Variants in ATOH8 observed in about 807,000 individuals in gnomAD.
The protein encoded by ATOH8 is transcription factor ATOH8.
ATOH8 carries 9 observed loss-of-function variants against 21.2 expected under a neutral mutation model. The ratio of observed to expected loss-of-function variants is 0.42; its 90% CI spans 0.26 to 0.74. The LOEUF (loss-of-function observed/expected upper bound fraction) is 0.74. ATOH8 is among the 30% of genes least tolerant of loss of function. The pLI, the probability that ATOH8 is intolerant of heterozygous loss-of-function variation, is 0.24. For synonymous variants in ATOH8, 253 were observed against 224.0 expected (o/e 1.13, Z -1.16); for missense variants, 524 against 470.9 (o/e 1.11, Z -1.04).
chr2:85,769,739 C>T (rs184613779), intron 2 of ATOH8, among the ~76,000 whole-genome samples: 54 of 152,240 alleles, frequency 3.5e-4, no homozygotes, highest in South Asian at 1.0e-3. Context: ...GCCCAGGCCT[C>T]GGACAGGATC....
chr2:85,754,280 A>G lies in ATOH8; in HGVS notation c.91A>G (p.Lys31Glu). Residue 31 changes from lysine to glutamate, a missense_variant, in exon 1 of 3, where the codon AAG becomes GAG. Physicochemically the swap from Lys to Glu is moderately conservative, Grantham distance 56 (BLOSUM62 1). Coordinates refer to ENST00000306279, the MANE Select transcript of ATOH8 (RefSeq NM_032827.7). ...NGLKKLKRKG[K>E]EPARRANGYK... ...CCTTAAGAAGCTCAAGCGGAAAGGC[A>G]AGGAGCCGGCGCGGCGCGCGAACGG... 6.2e-7 allele frequency: 1 copy of G among 1,610,190 alleles called. No individual in the cohort carries two copies. Among genetic ancestry groups the G allele is most frequent in the Non-Finnish European group, 8.5e-7 (1 of 1,178,918 alleles).
chr2:85,775,199 G>C, intron 2 of ATOH8: 2 of 983,050 alleles, frequency 2.0e-6, no homozygotes, highest in Non-Finnish European at 2.4e-6. Flanking sequence ...TTAAATGCCT[G>C]TGTCTCTGGC....
chr2:85,781,765 G>T (rs1051796107), intron 2 of ATOH8, among the ~76,000 whole-genome samples: 2 of 151,724 alleles, frequency 1.3e-5, no homozygotes, highest in Non-Finnish European at 2.9e-5. Context: ...GTGGTCCCAG[G>T]TATACAGGAG....
rs188495753 is a variant in ATOH8 at position 85,779,208 on chromosome 2, C to T, written c.961-7677C>T. 1.3e-3 allele frequency among the ~76,000 whole-genome samples: 200 copies of T among 152,368 alleles called. 1 individual carries two copies. Among genetic ancestry groups the T allele is most frequent in the African/African-American group, 4.5e-3 (187 of 41,588 alleles). On this transcript the variant is annotated intron_variant, in intron 2 of 2. Transcript: ENST00000306279. ...CAAGTGCGATGACCGGACAGCATCG[C>T]AGGATGGAAGCAGATGGGAAGCCGC...
intron 2 of ATOH8, among the ~76,000 whole-genome samples, chr2:85,764,856 G>T (rs1679966512): frequency 6.6e-6 from 1 of 152,188 alleles, no homozygotes; most frequent in Admixed American, 6.5e-5. Flanking sequence ...TTCACTCCCT[G>T]CCCACGGGAG....
intron 1 of ATOH8, among the ~76,000 whole-genome samples, chr2:85,755,920 C>G (rs1205025462): frequency 6.6e-6 from 1 of 151,712 alleles, no homozygotes; most frequent in Admixed American, 6.6e-5. Flanking sequence ...TTTTTATTTG[C>G]ATACTCTGCA....
rs528192137 is a variant in ATOH8, at chr2:85,771,542, C to G, written c.960+7360C>G. ...CAGCCAAAAGGCAGATGGGGAAGGA[C>G]CAACCTTTCTGAGTGAGAGATTCTT... On this transcript the variant is annotated intron_variant, in intron 2 of 2. Transcript: ENST00000306279. Among the ~76,000 whole-genome samples, 6 of 152,262 alleles carry G rather than the reference C, an allele frequency of 3.9e-5. No individual in the cohort carries two copies. In the South Asian group the frequency reaches 1.2e-3, roughly 32 times the overall value.
chr2:85,780,287 A>G (rs1214022095), intron 2 of ATOH8: 1 of 152,290 alleles, frequency 6.6e-6, no homozygotes, highest in Non-Finnish European at 1.5e-5. Flanking sequence ...CACCACCTCT[A>G]GCATCTTAGC....
intron 2 of ATOH8, chr2:85,775,220 G>A (rs1680290465): frequency 2.0e-6 from 2 of 985,226 alleles, no homozygotes; most frequent in Non-Finnish European, 2.4e-6. Context: ...TAGACTGTGA[G>A]CCCCTTTCTC....
chr2:85,769,561 G>A lies in ATOH8; in HGVS notation c.960+5379G>A, dbSNP rs543226230. ...CCTTGCTGCTTTCTGGGGACAGGAG[G>A]CAGGTCCTAGTATGGCCTGGGTCCG... is the stretch of plus-strand genomic sequence containing the variant. On this transcript the variant is annotated intron_variant, in intron 2 of 2. Transcript: ENST00000306279. 2.8e-4 allele frequency among the ~76,000 whole-genome samples: 42 copies of A among 152,342 alleles called. 2 individuals are homozygous for A. The South Asian group carries it at 8.7e-3, about 32-fold the overall frequency.
intron 1 of ATOH8, among the ~76,000 whole-genome samples, chr2:85,760,235 T>C (rs759784805): frequency 4.6e-5 from 7 of 152,184 alleles, no homozygotes; most frequent in Non-Finnish European, 1.0e-4. Flanking sequence ...AGGCAGATCC[T>C]TTTACTTTTC....
rs774510429 is a variant in ATOH8 at position 85,754,864 on chromosome 2, A to G, written c.675A>G (p.Lys225=). 1 of 1,612,162 alleles carries G rather than the reference A, an allele frequency of 6.2e-7. No homozygotes were observed. The highest frequency in any genetic ancestry group is 8.5e-7 in the Non-Finnish European group (1 of 1,179,862). ...GEATAASSEI[K]ALQQTRRLLA... ...CGACTGCCGCCTCCTCCGAGATCAA[A>G]GCCCTGCAGCAGACCCGGAGGCTCC... The change falls in exon 1 of 3, where the codon AAA becomes AAG. Residue 225 remains lysine (K), a synonymous_variant. Transcript: ENST00000306279.
Position 85,754,682 on chromosome 2 carries a change from C to G in ATOH8, c.493C>G (p.Pro165Ala). The change falls in exon 1 of 3, where the codon CCG (proline) becomes GCG (alanine). Residue 165 changes from proline to alanine, a missense_variant. Transcript: ENST00000306279. ...LLCAPPARPA[P>A]SAPPAPPAPP... ...GTGCGCACCGCCCGCGCGCCCCGCGCCGTCAGCACCCCCAGCACCGCCAGC... is the reference window on the plus strand; with the variant it reads ...GTGCGCACCGCCCGCGCGCCCCGCGGCGTCAGCACCCCCAGCACCGCCAGC... 6 of 1,579,188 alleles carry G rather than the reference C, an allele frequency of 3.8e-6. No individual in the cohort carries two copies. Among genetic ancestry groups the G allele is most frequent in the Non-Finnish European group, 5.2e-6 (6 of 1,164,694 alleles).
At chr2:85,786,066 C>T (rs1460581735) in intron 2 of ATOH8, among the ~76,000 whole-genome samples, 2 of 152,156 alleles carry the variant, frequency 1.3e-5, no homozygotes, top group Non-Finnish European at 2.9e-5. Flanking sequence ...GCTCAGAGCG[C>T]CAAGTTCAGC....
Position 85,754,722 on chromosome 2 carries a change from C to G in ATOH8, c.533C>G (p.Thr178Ser). 2 of 1,612,124 alleles carry G rather than the reference C, an allele frequency of 1.2e-6. No individual in the cohort carries two copies. The highest frequency in any genetic ancestry group is 1.7e-6 in the Non-Finnish European group (2 of 1,179,580). ...GCACCGCCAGCGCCCCCGGAGTCCA[C>G]TGTGCGCCCTGCGCCCCCGACGCGC... ...PPAPPAPPES[T>S]VRPAPPTRPG... Residue 178 changes from threonine to serine, a missense_variant, in exon 1 of 3, where the codon ACT becomes AGT. Thr to Ser is a moderately conservative substitution (Grantham distance 58). Coordinates refer to ENST00000306279, the MANE Select transcript of ATOH8 (RefSeq NM_032827.7).
chr2:85,786,348 G>A (rs13001375), intron 2 of ATOH8, among the ~76,000 whole-genome samples: 32,841 of 152,114 alleles, frequency 0.22, 3,706 homozygotes, highest in African/African-American at 0.24. Context: ...CTCCAGCCAC[G>A]CCATTTTACA....
rs1022251876 is a variant in ATOH8 at position 85,766,754 on chromosome 2, C to T, written c.960+2572C>T. On this transcript the variant is annotated intron_variant, in intron 2 of 2. Transcript: ENST00000306279. This position sits in a 1 kb window ranked among gnomAD's most constrained non-coding sequence, Gnocchi z 4.0. ...CCCTTCCAGGCAGGCCCCTGTGTCC[C>T]GCTTCTGGGCACCTATGCTTTTGCG... Among the ~76,000 whole-genome samples, 4 of 152,188 alleles carry T rather than the reference C, an allele frequency of 2.6e-5. No individual in the cohort carries two copies. The highest frequency in any genetic ancestry group is 1.3e-4 in the Admixed American group (2 of 15,282).
Position 85,777,874 on chromosome 2 carries a change from T to A in ATOH8, c.961-9011T>A, listed in dbSNP as rs150710053. Among the ~76,000 whole-genome samples the A allele has an allele frequency of 4.4e-4, 67 of 152,318 alleles. No homozygotes were observed. The East Asian group carries it at 8.7e-3, about 20-fold the overall frequency. On this transcript the variant is annotated intron_variant, in intron 2 of 2. Transcript: ENST00000306279. ...GGAAGCATGAGGTAAGGCGGTGTTT[T>A]CAGTTGTTTTCCACAAATACCGAAG...
At chr2:85,783,325 T>C (rs1680544491) in intron 2 of ATOH8, among the ~76,000 whole-genome samples, 1 of 152,124 alleles carries the variant, frequency 6.6e-6, no homozygotes, top group African/African-American at 2.4e-5. Context: ...ATCCCAGCAC[T>C]CTGGGAGGCC....
Sources: allele counts gnomAD v4.1 joint callset (sites outside exome capture counted in the v4.1 genomes callset), GRCh38; gene constraint gnomAD v4.1.1; non-coding constraint Gnocchi (gnomAD v3.1); transcripts MANE v1.5; gene names NCBI Gene and HGNC (gene_info 2026-07-23, HGNC 2026-07-21).